Variants in SLC20A2 observed in about 807,000 individuals in gnomAD.
SLC20A2 encodes sodium-dependent phosphate transporter 2.
SLC20A2 carries 30 observed loss-of-function variants against 61.0 expected under a neutral mutation model. The observed-to-expected ratio is 0.49, with a 90% CI of 0.37 to 0.67. The LOEUF (loss-of-function observed/expected upper bound fraction) is 0.67, where lower values mean the gene tolerates loss of function less well. Ranked by LOEUF, SLC20A2 falls within the 30% of genes least tolerant of loss-of-function variation. The pLI is 0.00. For missense variants in SLC20A2, 626 were observed against 866.4 expected, an observed-to-expected ratio of 0.72 and a Z score of 3.48; for synonymous variants, 351 against 353.3, an observed-to-expected ratio of 0.99 and a Z score of 0.07.
At chr8:42,461,163 A>T (rs1806664958) in intron 4 of SLC20A2, among the ~76,000 whole-genome samples, 1 of 152,160 alleles carries the variant, frequency 6.6e-6, no homozygotes, top group East Asian at 1.9e-4. Context: ...GGAGTGTCAC[A>T]CCAGACCAGG....
intron 5 of SLC20A2, among the ~76,000 whole-genome samples, chr8:42,455,237 A>ATAT (rs1194959482): frequency 5.7e-4 from 58 of 101,074 alleles, no homozygotes; most frequent in African/African-American, 2.0e-3. Flanking sequence ...AAAAAAAAAA[A>ATAT]AAAAATATAT....
intron 1 of SLC20A2, among the ~76,000 whole-genome samples, chr8:42,526,906 A>G (rs1811996772): frequency 6.6e-6 from 1 of 151,804 alleles, no homozygotes; most frequent in Admixed American, 6.6e-5. Context: ...GAGTTTGAGA[A>G]CTGCCTGAGC....
Position 42,472,121 on chromosome 8 carries a change from C to T in SLC20A2, c.270G>A (p.Gly90=). ...YNETVETLMA[G]EVSAMVGSAV... ...ACTCACCAACCATGGCACTAACTTCCCCAGCCATGAGAGTCTCCACCGTCT... is the reference window on the plus strand; with the variant it reads ...ACTCACCAACCATGGCACTAACTTCTCCAGCCATGAGAGTCTCCACCGTCT... Residue 90 remains glycine, a synonymous_variant, in exon 2 of 11, where the codon GGG becomes GGA. Coordinates refer to ENST00000520262, the MANE Select transcript of SLC20A2 (RefSeq NM_001257180.2). This position sits in a 1 kb window ranked among gnomAD's most constrained non-coding sequence, Gnocchi z 4.1. 6.2e-7 allele frequency: 1 copy of T among 1,613,128 alleles called. No individual in the cohort carries two copies. Among genetic ancestry groups the T allele is most frequent in the Non-Finnish European group, 8.5e-7 (1 of 1,179,982 alleles).
chr8:42,511,936 T>C (rs972610156), intron 1 of SLC20A2, among the ~76,000 whole-genome samples: 1 of 152,066 alleles, frequency 6.6e-6, no homozygotes, highest in African/African-American at 2.4e-5. Context: ...CTCTCAGAAC[T>C]ATAATAGCCC....
Position 42,524,786 on chromosome 8 carries a change from CAAATAAAT to C in SLC20A2, c.-265+17027_-265+17034del, listed in dbSNP as rs138387549. ...AAGCAACAAGAGCAAAACTCCATCT[CAAATAAAT>C]AAATAAATAAATAAATAAAAATAAA... is the stretch of plus-strand genomic sequence containing the variant. On this transcript the variant is annotated intron_variant, in intron 1 of 10. Coordinates refer to the SLC20A2 transcript ENST00000342228. 4.3e-3 allele frequency among the ~76,000 whole-genome samples: 639 copies of C among 147,738 alleles called. 3 individuals carry two copies. Among genetic ancestry groups the C allele is most frequent in the South Asian group, 0.011 (49 of 4,654 alleles).
chr8:42,464,970 G>A (rs759820831), intron 3 of SLC20A2, among the ~76,000 whole-genome samples: 1 of 152,120 alleles, frequency 6.6e-6, no homozygotes, highest in East Asian at 1.9e-4. Flanking sequence ...GTGCCAGAGC[G>A]AGACTCCATC....
intron 5 of SLC20A2, among the ~76,000 whole-genome samples, chr8:42,446,380 A>G (rs1045638804): frequency 1.4e-4 from 21 of 152,358 alleles, no homozygotes; most frequent in African/African-American, 5.0e-4. Flanking sequence ...ACATTCACAC[A>G]CATTCATATG....
intron 5 of SLC20A2, among the ~76,000 whole-genome samples, chr8:42,445,634 G>A (rs951188250): frequency 2.0e-5 from 3 of 152,226 alleles, no homozygotes; most frequent in Non-Finnish European, 4.4e-5. Flanking sequence ...GGCTGAGGCA[G>A]GAGAATCACT....
chr8:42,513,427 T>C (rs900793445), intron 1 of SLC20A2, among the ~76,000 whole-genome samples: 3 of 152,148 alleles, frequency 2.0e-5, no homozygotes, highest in Non-Finnish European at 4.4e-5. Context: ...TGTTTGGGGG[T>C]ATTTTAAAAG....
At chr8:42,430,538 T>C (rs1370738893) in intron 8 of SLC20A2, among the ~76,000 whole-genome samples, 1 of 152,086 alleles carries the variant, frequency 6.6e-6, no homozygotes, top group Non-Finnish European at 1.5e-5. Flanking sequence ...AATTTTTGTA[T>C]TTTTAGTAGA....
intron 1 of SLC20A2, among the ~76,000 whole-genome samples, chr8:42,492,710 ACG>A (rs1276646421): frequency 6.7e-6 from 1 of 149,006 alleles, no homozygotes; most frequent in East Asian, 2.0e-4. Context: ...TTTTTTTGAG[ACG>A]GAGTTTCGCT....
At chr8:42,459,193 G>A (rs56103330) in intron 5 of SLC20A2, among the ~76,000 whole-genome samples, 7,057 of 137,482 alleles carry the variant, frequency 0.051, 258 homozygotes, top group Non-Finnish European at 0.076. Flanking sequence ...CCAAGATAGC[G>A]CGATTGCACT....
At position 42,437,550 on chromosome 8, in the gene SLC20A2, G is replaced by A. The variant is rs2131008653; in HGVS notation, c.962C>T (p.Ser321Phe). ...GCCGTTGGAGATGGGCGATTTCACA[G>A]AGCCATGGGTCATGGACAGTGCTCT... ...YGRALSMTHGSVKSPISNGTF... is the reference protein window; with the variant it reads ...YGRALSMTHGFVKSPISNGTF... The change falls in exon 8 of 11, where the codon TCT becomes TTT. Residue 321 changes from serine (S) to phenylalanine (F), a missense_variant. Ser to Phe is a radical substitution (Grantham distance 155, BLOSUM62 -2). This residue lies in a region of SLC20A2 where 361 missense variants were observed against 422.3 expected (regional missense o/e 0.85). Coordinates refer to ENST00000520262, the MANE Select transcript of SLC20A2 (RefSeq NM_001257180.2). This position sits in a 1 kb window ranked among gnomAD's most constrained non-coding sequence, Gnocchi z 6.4. 1.9e-6 allele frequency: 3 copies of A among 1,613,916 alleles called. No individual in the cohort carries two copies. In the African/African-American group the frequency reaches 4.0e-5, roughly 22 times the overall value.
chr8:42,496,679 C>G (rs1809950244), intron 1 of SLC20A2, among the ~76,000 whole-genome samples: 1 of 152,214 alleles, frequency 6.6e-6, no homozygotes, highest in East Asian at 1.9e-4. Flanking sequence ...AAATGTGTCC[C>G]TCTCCTCTAT....
intron 1 of SLC20A2, among the ~76,000 whole-genome samples, chr8:42,485,846 TGAGGCAGGA>T (rs1195371586): frequency 6.6e-6 from 1 of 150,616 alleles, no homozygotes; most frequent in Non-Finnish European, 1.5e-5. Flanking sequence ...CTCGAGAGGC[TGAGGCAGGA>T]GAATCGCTTG....
At chr8:42,526,439 C>T (rs1364468785) in intron 1 of SLC20A2, among the ~76,000 whole-genome samples, 1 of 151,616 alleles carries the variant, frequency 6.6e-6, no homozygotes, top group East Asian at 1.9e-4. Flanking sequence ...TTTGGGAGGC[C>T]AAGGTGGGCG....
At chr8:42,435,839 G>A (rs1044983893) in intron 8 of SLC20A2, among the ~76,000 whole-genome samples, 6 of 152,152 alleles carry the variant, frequency 3.9e-5, no homozygotes, top group Admixed American at 2.6e-4. Context: ...AAGGATGGCC[G>A]GGTGTGGTGG....
intron 1 of SLC20A2, among the ~76,000 whole-genome samples, chr8:42,509,006 T>C (rs1279892077): frequency 1.3e-5 from 2 of 152,218 alleles, no homozygotes; most frequent in Admixed American, 6.5e-5. Context: ...TGTGCCTTCA[T>C]CACTTTTAAA....
chr8:42,526,621 CG>C (rs748511192), intron 1 of SLC20A2, among the ~76,000 whole-genome samples: 80 of 148,940 alleles, frequency 5.4e-4, no homozygotes, highest in Non-Finnish European at 9.5e-4. Context: ...TGCAGTGAGC[CG>C]AGATCGCGCC....
Sources: allele counts gnomAD v4.1 joint callset (sites outside exome capture counted in the v4.1 genomes callset), GRCh38; gene constraint gnomAD v4.1.1; regional missense constraint gnomAD v4.1.1; non-coding constraint Gnocchi (gnomAD v3.1); transcripts MANE v1.5; gene names NCBI Gene and HGNC (gene_info 2026-07-23, HGNC 2026-07-21).